The following PLCG2 variants were observed in gnomAD, a reference collection of about 807,000 sequenced individuals.
The protein encoded by PLCG2 is 1-phosphatidylinositol 4,5-bisphosphate phosphodiesterase gamma-2.
Under a neutral mutation model 175.6 loss-of-function variants are expected in PLCG2, and 69 were observed. The ratio of observed to expected loss-of-function variants is 0.39; its 90% CI spans 0.32 to 0.48. The LOEUF (loss-of-function observed/expected upper bound fraction) is 0.48. PLCG2 is among the 20% of genes least tolerant of loss of function. PLCG2 has a pLI of 0.91. For missense variants in PLCG2, 1,798 were observed against 1,650.9 expected, an observed-to-expected ratio of 1.09 and a Z score of -1.54; for synonymous variants, 827 against 624.0, an observed-to-expected ratio of 1.33 and a Z score of -4.85.
At chr16:81,796,814 T>C (rs181237191) in intron 2 of PLCG2, among the ~76,000 whole-genome samples, 1 of 152,290 alleles carries the variant, frequency 6.6e-6, no homozygotes, top group Non-Finnish European at 1.5e-5. Context: ...GCCAACACTT[T>C]GATTTTGGAC....
At chr16:81,886,576 G>A (rs1014485815) in intron 9 of PLCG2, among the ~76,000 whole-genome samples, 12 of 152,304 alleles carry the variant, frequency 7.9e-5, no homozygotes, top group Non-Finnish European at 1.2e-4. Context: ...TTTCTTTAGA[G>A]GATTGGTTAA....
chr16:81,951,467 G>C (rs996499978), intron 31 of PLCG2, among the ~76,000 whole-genome samples: 5 of 151,396 alleles, frequency 3.3e-5, no homozygotes, highest in African/African-American at 1.2e-4. Context: ...ACAGGTTTAG[G>C]ATCTAGATGG....
intron 2 of PLCG2, among the ~76,000 whole-genome samples, chr16:81,760,749 A>G (rs1431980363): frequency 1.0e-5 from 1 of 98,408 alleles, no homozygotes; most frequent in Non-Finnish European, 1.9e-5. Flanking sequence ...CGTCTCTATT[A>G]AAAAAAAAAA....
chr16:81,957,295 T>TCAAACAAA (rs140592379), intron 32 of PLCG2, among the ~76,000 whole-genome samples: 8 of 151,836 alleles, frequency 5.3e-5, no homozygotes, highest in South Asian at 2.1e-4. Flanking sequence ...GGAGACTCTG[T>TCAAACAAA]CAAACAAACA....
At chr16:81,952,319 A>G (rs1475332645) in intron 31 of PLCG2, among the ~76,000 whole-genome samples, 2 of 152,184 alleles carry the variant, frequency 1.3e-5, no homozygotes, top group Non-Finnish European at 2.9e-5. Context: ...ATGTTACTAC[A>G]AATACATACA....
chr16:81,781,109 G>C (rs1485709539), intron 1 of PLCG2, among the ~76,000 whole-genome samples: 1 of 152,206 alleles, frequency 6.6e-6, no homozygotes, highest in East Asian at 1.9e-4. Context: ...AAATTTGCCC[G>C]TTACATCATC....
At chr16:81,783,052 A>T in intron 1 of PLCG2, 1 of 448,928 alleles carries the variant, frequency 2.2e-6, no homozygotes, top group Non-Finnish European at 4.4e-6. Context: ...GACCCTGGGG[A>T]AGGTTAAGTC....
At chr16:81,917,885 C>G (rs1909907347) in intron 19 of PLCG2, among the ~76,000 whole-genome samples, 1 of 152,120 alleles carries the variant, frequency 6.6e-6, no homozygotes, top group African/African-American at 2.4e-5. Context: ...CTGCGCCCAG[C>G]TAATTTTTTG....
chr16:81,829,669 A>T (rs1469564325), intron 2 of PLCG2, among the ~76,000 whole-genome samples: 3 of 152,132 alleles, frequency 2.0e-5, no homozygotes, highest in African/African-American at 7.2e-5. Flanking sequence ...AGGACACCAC[A>T]TTGCACCTAG....
chr16:81,944,676 A>T (rs754972759), intron 30 of PLCG2, among the ~76,000 whole-genome samples: 1 of 152,116 alleles, frequency 6.6e-6, no homozygotes, highest in Admixed American at 6.5e-5. Context: ...GGGTCTTGCT[A>T]TGTTGCCTAG....
chr16:81,756,740 G>A (rs1389061045), intron 2 of PLCG2, among the ~76,000 whole-genome samples: 1 of 152,216 alleles, frequency 6.6e-6, no homozygotes, highest in Non-Finnish European at 1.5e-5. Context: ...AGAGCCCAGA[G>A]AGACAGTGAG....
chr16:81,896,088 C>T lies in PLCG2; in HGVS notation c.1193+161C>T, dbSNP rs182602507. 4.1e-3 allele frequency among the ~76,000 whole-genome samples: 626 copies of T among 152,218 alleles called. 4 individuals carry two copies. Among genetic ancestry groups the T allele is most frequent in the Non-Finnish European group, 7.6e-3 (519 of 68,012 alleles). On this transcript the variant is annotated intron_variant, in intron 13 of 32. Coordinates refer to ENST00000564138, the MANE Select transcript of PLCG2 (RefSeq NM_002661.5). ...AAGCCACTGCCATCAAGTTCTCACC[C>T]GAGTGTTGGCACCCCCTGCAGGCCG... is the stretch of plus-strand genomic sequence containing the variant.
chr16:81,930,236 A>G (rs1192449033), intron 24 of PLCG2, among the ~76,000 whole-genome samples: 1 of 152,224 alleles, frequency 6.6e-6, no homozygotes, highest in African/African-American at 2.4e-5. Context: ...CTGGTATATA[A>G]GAGCTCAGAA....
chr16:81,760,757 A>AAAT lies in PLCG2; in HGVS notation c.-48+4813_-48+4815dup, dbSNP rs60607620. ...GAGACCCCGTCTCTATTAAAAAAAA[A>AAAT]AATAATAATAATAATAATAATAATT... On this transcript the variant is annotated intron_variant, in intron 2 of 5. Coordinates refer to the PLCG2 transcript ENST00000565054. 9.4e-3 allele frequency among the ~76,000 whole-genome samples: 1,371 copies of AAAT among 146,392 alleles called. 29 individuals are homozygous for AAAT. Among genetic ancestry groups the AAAT allele is most frequent in the African/African-American group, 0.031 (1,230 of 40,146 alleles).
chr16:81,841,908 A>G (rs987071815), intron 2 of PLCG2, among the ~76,000 whole-genome samples: 5 of 152,194 alleles, frequency 3.3e-5, no homozygotes, highest in Middle Eastern at 3.2e-3. Flanking sequence ...CTTTTTACTT[A>G]AAGTGAAACC....
upstream of PLCG2, among the ~76,000 whole-genome samples, chr16:81,776,086 T>G (rs796172827): frequency 5.6e-3 from 222 of 39,842 alleles, no homozygotes; most frequent in African/African-American, 0.012. Context: ...TCTCTCTCTC[T>G]CTCTTTCTTT....
chr16:81,744,154 A>T (rs9937355), intron 1 of PLCG2, among the ~76,000 whole-genome samples: 4 of 146,330 alleles, frequency 2.7e-5, no homozygotes, highest in Non-Finnish European at 4.5e-5. Context: ...CACCGTGCCC[A>T]GCCAACTTCC....
In PLCG2 at chr16:81,960,228, C is replaced by T. The variant is rs1225798298; in HGVS notation, c.*2230C>T. The T allele has an allele frequency of 4.5e-6, 1 of 220,654 alleles. No homozygotes were observed. The allele number at this position is 220,654 out of a possible 1,614,324, so 13.7% of individuals were successfully genotyped here. On this transcript the variant is annotated 3_prime_UTR_variant, in exon 33 of 33. Coordinates refer to ENST00000564138, the MANE Select transcript of PLCG2 (RefSeq NM_002661.5). Reference sequence around the variant, plus strand: ...CTTGGTGGTGTTAGGGACTGATTCTCTCAGGAAAGGCACACATGGTATGAT... The same window carrying T: ...CTTGGTGGTGTTAGGGACTGATTCTTTCAGGAAAGGCACACATGGTATGAT...
chr16:81,810,296 C>G lies in PLCG2; in HGVS notation c.193+24114C>G, dbSNP rs536097375. ...CACCGTGCCCAGCCCATGCTTCTCT[C>G]CTATCCCAGACGACTCTAGTCTATA... is the stretch of plus-strand genomic sequence containing the variant. On this transcript the variant is annotated intron_variant, in intron 2 of 32. Coordinates refer to ENST00000564138, the MANE Select transcript of PLCG2 (RefSeq NM_002661.5). Among the ~76,000 whole-genome samples the G allele has an allele frequency of 5.9e-5, 9 of 152,360 alleles. No homozygotes were observed. The East Asian group carries it at 1.2e-3, about 20-fold the overall frequency.
Sources: allele counts gnomAD v4.1 joint callset (sites outside exome capture counted in the v4.1 genomes callset), GRCh38; gene constraint gnomAD v4.1.1; transcripts MANE v1.5; gene names NCBI Gene and HGNC (gene_info 2026-07-23, HGNC 2026-07-21).